The following SPOCD1 variants were observed in gnomAD, a reference collection of about 807,000 sequenced individuals.
SPOCD1 encodes the protein SPOC domain-containing protein 1.
Under a neutral mutation model 92.2 loss-of-function variants are expected in SPOCD1, and 64 were observed. That is an observed-to-expected ratio of 0.69 (90% CI 0.57 to 0.86). The LOEUF is 0.86. SPOCD1 is among the 40% of genes least tolerant of loss of function. The probability of loss-of-function intolerance (pLI) is 0.00; values close to 1 mark genes in which losing one functional copy is unlikely to be tolerated. For synonymous variants in SPOCD1, 578 were observed against 619.3 expected, an observed-to-expected ratio of 0.93 and a Z score of 0.99; for missense variants, 1,360 against 1,543.1, an observed-to-expected ratio of 0.88 and a Z score of 1.99.
At chr1:31,799,092 ATC>A (rs1648241419) in intron 7 of SPOCD1, among the ~76,000 whole-genome samples, 1 of 152,084 alleles carries the variant, frequency 6.6e-6, no homozygotes, top group African/African-American at 2.4e-5. Context: ...CTGGGCTCAG[ATC>A]TCTGAGCCGC....
chr1:31,794,428 T>A, intron 10 of SPOCD1, 193 bp from the exon 11 acceptor site: 1 of 487,348 alleles, frequency 2.1e-6, no homozygotes, highest in East Asian at 3.3e-5. Context: ...AAATCACTTC[T>A]TGTCACACCA....
intron 2 of SPOCD1, among the ~76,000 whole-genome samples, chr1:31,808,209 T>C (rs1648966506): frequency 6.6e-6 from 1 of 152,098 alleles, no homozygotes; most frequent in Non-Finnish European, 1.5e-5. Context: ...TTCAGGCCAG[T>C]TAATTCATCC....
intron 13 of SPOCD1, 119 bp downstream of exon 13, chr1:31,793,159 G>C: frequency 1.6e-6 from 2 of 1,289,424 alleles, no homozygotes; most frequent in Non-Finnish European, 2.1e-6. Context: ...ACAGGGCCAG[G>C]CACAGAAAGG....
Position 31,790,712 on chromosome 1 carries a change from C to G in SPOCD1, c.3542G>C (p.Arg1181Pro). ...TKSSIPRPLQ[R>P]LSSALAAPEP... ...TGGAGCTGCAAGGGCGCTAGACAAA[C>G]GCTGCAGAGGGCGGGGGATGGAGCT... The change falls in exon 16 of 16, where the codon CGT becomes CCT. Residue 1181 changes from arginine (R) to proline (P), a missense_variant. By Grantham distance (103) the Arg-to-Pro change is moderately radical. Transcript: ENST00000360482. 1 of 1,551,892 alleles carries G rather than the reference C, an allele frequency of 6.4e-7. No individual in the cohort carries two copies. The highest frequency in any genetic ancestry group is 8.7e-7 in the Non-Finnish European group (1 of 1,147,092).
Position 31,800,449 on chromosome 1 carries a change from C to T in SPOCD1, c.1594G>A (p.Gly532Arg). The T allele has an allele frequency of 1.3e-6, 2 of 1,590,698 alleles. No individual in the cohort carries two copies. The highest frequency in any genetic ancestry group is 1.7e-6 in the Non-Finnish European group (2 of 1,167,656). The change falls in exon 4 of 16, where the codon GGG (glycine) becomes AGG (arginine). Residue 532 changes from glycine to arginine, a missense_variant. Physicochemically the swap from Gly to Arg is moderately radical, Grantham distance 125 (BLOSUM62 -2). Around this residue, in one of 3 missense-constraint regions of SPOCD1, gnomAD observed 606 missense variants for 601.5 expected, o/e 1.01. Transcript: ENST00000360482. Reference sequence around the variant, plus strand: ...CATCACTTGTTCTGTACCTGGCACCCAGCAGGGCCCTGCACCATGGGCCTT... The same window carrying T: ...CATCACTTGTTCTGTACCTGGCACCTAGCAGGGCCCTGCACCATGGGCCTT... Reference protein sequence around the residue: ...KKRPMVQGPAGCQVFQPSPSG... With the variant: ...KKRPMVQGPARCQVFQPSPSG...
rs1412040605 is a variant in SPOCD1 at position 31,798,595 on chromosome 1, C to T, written c.1875G>A (p.Arg625=). The change falls in exon 8 of 16, where the codon CGG becomes CGA. Residue 625 remains arginine (R), a synonymous_variant. Coordinates refer to ENST00000360482, the MANE Select transcript of SPOCD1 (RefSeq NM_144569.7). This position sits in a 1 kb window ranked among gnomAD's most constrained non-coding sequence, Gnocchi z 4.1. ...SMQEVLWTRL[R]ELPDPVLSEE... Reference sequence around the variant, plus strand: ...CACTCAGCACTGGGTCTGGGAGCTCCCGAAGGCTGTGGAGGCCAGGGCAGG... The same window carrying T: ...CACTCAGCACTGGGTCTGGGAGCTCTCGAAGGCTGTGGAGGCCAGGGCAGG... 5 of 1,612,722 alleles carry T rather than the reference C, an allele frequency of 3.1e-6. 1 individual carries two copies. In the Admixed American group the frequency reaches 8.3e-5, roughly 27 times the overall value.
At chr1:31,808,054 T>A (rs1648957439) in intron 2 of SPOCD1, among the ~76,000 whole-genome samples, 1 of 152,154 alleles carries the variant, frequency 6.6e-6, no homozygotes, top group Admixed American at 6.5e-5. Flanking sequence ...AGCCATTCTA[T>A]CAAAATGTCC....
In SPOCD1 at chr1:31,798,176, C is replaced by G. The variant is rs754700660; in HGVS notation, c.2145+31G>C. 5.8e-6 allele frequency: 9 copies of G among 1,559,436 alleles called. No individual in the cohort carries two copies. Among genetic ancestry groups the G allele is most frequent in the Non-Finnish European group, 7.1e-6 (8 of 1,130,374 alleles). On this transcript the variant is annotated intron_variant, in intron 9 of 15. Transcript: ENST00000360482. The surrounding 1 kb of genome is among the most constrained non-coding windows in gnomAD (Gnocchi z 4.1). ...GCCACCCACTCTGCCCCTACATCCCCTCACCCATCCCGACTGGGCTCAGCA... is the reference window on the plus strand; with the variant it reads ...GCCACCCACTCTGCCCCTACATCCCGTCACCCATCCCGACTGGGCTCAGCA...
chr1:31,794,306 G>A (rs1402874934), intron 10 of SPOCD1, 71 bp from the exon 11 acceptor site: 6 of 1,115,520 alleles, frequency 5.4e-6, no homozygotes, highest in East Asian at 2.5e-5. Flanking sequence ...CATGGGTAGG[G>A]GGCCCCAGGA....
chr1:31,799,661 C>T (rs1648295401), intron 6 of SPOCD1, 148 bp downstream of exon 6: 1 of 1,164,598 alleles, frequency 8.6e-7, no homozygotes, highest in Non-Finnish European at 1.2e-6. Context: ...CCACCCCTTC[C>T]CCCACCCCTT....
At chr1:31,799,975 C>A in intron 5 of SPOCD1, 41 bp downstream of exon 5, 1 of 1,611,128 alleles carries the variant, frequency 6.2e-7, no homozygotes, top group Non-Finnish European at 8.5e-7. Context: ...CTGACCCATG[C>A]TCCAGTGAAG....
chr1:31,791,980 T>C (rs1358171982), intron 15 of SPOCD1, among the ~76,000 whole-genome samples: 1 of 152,246 alleles, frequency 6.6e-6, no homozygotes. Flanking sequence ...ACCATTCTCA[T>C]AGGGTGATGA....
chr1:31,811,553 A>G (rs960911456), intron 2 of SPOCD1, among the ~76,000 whole-genome samples: 1 of 152,174 alleles, frequency 6.6e-6, no homozygotes, highest in Non-Finnish European at 1.5e-5. Flanking sequence ...GTCTGAAGAC[A>G]TGTCTAAAGT....
Position 31,801,678 on chromosome 1 carries a change from T to C in SPOCD1, c.1411A>G (p.Lys471Glu). 6.2e-7 allele frequency: 1 copy of C among 1,613,892 alleles called. No individual in the cohort carries two copies. Reference protein sequence around the residue: ...LEEVKIPHGVKLVCYLGSGPV... With the variant: ...LEEVKIPHGVELVCYLGSGPV... Reference sequence around the variant, plus strand: ...TAAAAACCTACGTAGCACACAAGCTTCACTCCATGGGGTATTTTCACTTCC... The same window carrying C: ...TAAAAACCTACGTAGCACACAAGCTCCACTCCATGGGGTATTTTCACTTCC... The change falls in exon 3 of 16, where the codon AAG becomes GAG. Residue 471 changes from lysine to glutamate, a missense_variant. Lys to Glu is a moderately conservative substitution (Grantham distance 56). Around this residue, in one of 3 missense-constraint regions of SPOCD1, gnomAD observed 606 missense variants for 601.5 expected, o/e 1.01. Coordinates refer to ENST00000360482, the MANE Select transcript of SPOCD1 (RefSeq NM_144569.7).
chr1:31,798,590 A>C lies in SPOCD1; in HGVS notation c.1880T>G (p.Leu627Arg), dbSNP rs140554876. ...CTCCTCACTCAGCACTGGGTCTGGG[A>C]GCTCCCGAAGGCTGTGGAGGCCAGG... is the stretch of plus-strand genomic sequence containing the variant. ...QEVLWTRLRE[L>R]PDPVLSEEVV... Residue 627 changes from leucine (L) to arginine (R), a missense_variant, in exon 8 of 16, where the codon CTC becomes CGC. Leu to Arg is a moderately radical substitution (Grantham distance 102). This residue lies in a region of SPOCD1 where 606 missense variants were observed against 601.5 expected (regional missense o/e 1.01). Transcript: ENST00000360482. This position sits in a 1 kb window ranked among gnomAD's most constrained non-coding sequence, Gnocchi z 4.1. 5.8e-4 allele frequency: 935 copies of C among 1,612,868 alleles called. 7 individuals are homozygous for C. In the East Asian group the frequency reaches 0.016, roughly 28 times the overall value.
rs1649405961 is a variant in SPOCD1 at position 31,814,354 on chromosome 1, G to C, written c.980C>G (p.Ala327Gly). The C allele has an allele frequency of 1.2e-6, 2 of 1,600,430 alleles. No homozygotes were observed. Among genetic ancestry groups the C allele is most frequent in the African/African-American group, 1.3e-5 (1 of 74,796 alleles). The change falls in exon 2 of 16, where the codon GCA becomes GGA. Residue 327 changes from alanine to glycine, a missense_variant. Around this residue, in one of 3 missense-constraint regions of SPOCD1, gnomAD observed 606 missense variants for 601.5 expected, o/e 1.01. Transcript: ENST00000360482. The surrounding 1 kb of genome is among the most constrained non-coding windows in gnomAD (Gnocchi z 4.2). ...SAAQAPPQSA[A>G]LCLGASAQAS... ...CTGTGCTGACGCCCCCAGGCACAGT[G>C]CTGCGCTCTGTGGAGGAGCCTGTGC...
At chr1:31,800,172 C>A (rs767252015) in intron 4 of SPOCD1, 31 bp from the exon 5 acceptor site, 4 of 1,561,830 alleles carry the variant, frequency 2.6e-6, no homozygotes, top group South Asian at 1.2e-5. Flanking sequence ...AGCTATTGGC[C>A]GGAAATGGAG....
chr1:31,810,511 G>A (rs535953552), intron 2 of SPOCD1, among the ~76,000 whole-genome samples: 6 of 152,102 alleles, frequency 3.9e-5, no homozygotes, highest in African/African-American at 1.4e-4. Flanking sequence ...AAGCCACCAT[G>A]CCCAGCTAAT....
intron 2 of SPOCD1, among the ~76,000 whole-genome samples, chr1:31,802,549 G>A (rs1181605751): frequency 6.6e-6 from 1 of 152,008 alleles, no homozygotes; most frequent in Non-Finnish European, 1.5e-5. Flanking sequence ...AGTATTATTG[G>A]GAGAAAAAGA....
Sources: allele counts gnomAD v4.1 joint callset (sites outside exome capture counted in the v4.1 genomes callset), GRCh38; gene constraint gnomAD v4.1.1; regional missense constraint gnomAD v4.1.1; non-coding constraint Gnocchi (gnomAD v3.1); transcripts MANE v1.5; gene names NCBI Gene and HGNC (gene_info 2026-07-23, HGNC 2026-07-21).